NFIA: variants seen among roughly 807,000 people sequenced by gnomAD.
NFIA encodes the protein nuclear factor I A.
In NFIA, 8 loss-of-function variants were observed where a neutral mutation model predicts 62.8. That is an observed-to-expected ratio of 0.13 (90% CI 0.07 to 0.23). The LOEUF (loss-of-function observed/expected upper bound fraction) is 0.23. NFIA is among the 10% of genes least tolerant of loss of function. The pLI, the probability that NFIA is intolerant of heterozygous loss-of-function variation, is 1.00. For missense variants in NFIA, 410 were observed against 642.1 expected, an observed-to-expected ratio of 0.64 and a Z score of 3.91; for synonymous variants, 235 against 238.1, an observed-to-expected ratio of 0.99 and a Z score of 0.12.
chr1:61,146,085 G>A (rs1570259876), intron 2 of NFIA, among the ~76,000 whole-genome samples: 1 of 152,188 alleles, frequency 6.6e-6, no homozygotes, highest in Non-Finnish European at 1.5e-5. Context: ...GGCTCCAGGG[G>A]AGAACCTGTT....
At chr1:61,179,516 C>T (rs1227095694) in intron 2 of NFIA, among the ~76,000 whole-genome samples, 6 of 152,144 alleles carry the variant, frequency 3.9e-5, no homozygotes, top group South Asian at 2.1e-4. Flanking sequence ...AATGATAAAG[C>T]GACATGCCAC....
chr1:61,264,523 C>T (rs760263333), intron 2 of NFIA, among the ~76,000 whole-genome samples: 2 of 151,402 alleles, frequency 1.3e-5, no homozygotes, highest in Non-Finnish European at 2.9e-5. Flanking sequence ...TGGAGGTGGG[C>T]GCCTGTAATC....
At chr1:61,078,404 G>C (rs1275177902), upstream of NFIA, among the ~76,000 whole-genome samples, 1 of 152,190 alleles carries the variant, frequency 6.6e-6, no homozygotes, top group Non-Finnish European at 1.5e-5. Context: ...TATGCTCAGG[G>C]AAGCTGGTAA....
At chr1:61,185,227 T>G (rs1651083473) in intron 2 of NFIA, among the ~76,000 whole-genome samples, 1 of 152,202 alleles carries the variant, frequency 6.6e-6, no homozygotes, top group Non-Finnish European at 1.5e-5. Context: ...TATACCTGTT[T>G]CCACATATGT....
chr1:61,415,384 AC>A (rs1666302952), intron 9 of NFIA, among the ~76,000 whole-genome samples: 1 of 152,296 alleles, frequency 6.6e-6, no homozygotes, highest in East Asian at 1.9e-4. Flanking sequence ...TGGAAAAAAC[AC>A]CATGAACAAA....
At chr1:61,165,414 A>T (rs1335522073) in intron 2 of NFIA, among the ~76,000 whole-genome samples, 1 of 152,216 alleles carries the variant, frequency 6.6e-6, no homozygotes, top group Non-Finnish European at 1.5e-5. Flanking sequence ...AGTATATTCT[A>T]TATGCATGTA....
intron 2 of NFIA, among the ~76,000 whole-genome samples, chr1:61,219,994 G>T (rs988506867): frequency 2.0e-5 from 3 of 151,224 alleles, no homozygotes; most frequent in African/African-American, 7.3e-5. Flanking sequence ...AATAAATAAC[G>T]CATAATAGCT....
upstream of NFIA, chr1:61,082,039 T>G: frequency 1.3e-6 from 2 of 1,546,234 alleles, no homozygotes; most frequent in Non-Finnish European, 1.7e-6. Flanking sequence ...GCCCAAGTCC[T>G]CCACCGAGGT....
At chr1:61,218,634 A>G (rs1422471269) in intron 2 of NFIA, among the ~76,000 whole-genome samples, 2 of 152,220 alleles carry the variant, frequency 1.3e-5, no homozygotes. Flanking sequence ...TTCCAAACAT[A>G]TATATGTATT....
At chr1:61,429,923 A>AG (rs1396294042) in intron 10 of NFIA, among the ~76,000 whole-genome samples, 4 of 152,200 alleles carry the variant, frequency 2.6e-5, no homozygotes, top group Non-Finnish European at 4.4e-5. Context: ...GGGGCAGGGC[A>AG]GAATGGTGAG....
At chr1:61,229,617 T>C (rs550371287) in intron 2 of NFIA, among the ~76,000 whole-genome samples, 1 of 152,324 alleles carries the variant, frequency 6.6e-6, no homozygotes, top group Admixed American at 6.5e-5. Flanking sequence ...ATCCCATCCT[T>C]GCTCTGTGAT....
At chr1:61,138,565 GTTTATTTATTTA>G (rs111808933) in intron 2 of NFIA, among the ~76,000 whole-genome samples, 101 of 142,592 alleles carry the variant, frequency 7.1e-4, no homozygotes, top group African/African-American at 2.1e-3. Context: ...TTGTTTGTTT[GTTTATTTATTTA>G]TTTATTTATT....
intron 2 of NFIA, among the ~76,000 whole-genome samples, chr1:61,212,155 TAAGC>T (rs1338091134): frequency 1.3e-5 from 2 of 152,170 alleles, no homozygotes; most frequent in Non-Finnish European, 2.9e-5. Context: ...AAAAGAGGGA[TAAGC>T]AAGCAAGGAA....
At chr1:61,207,837 T>C (rs550293476) in intron 2 of NFIA, among the ~76,000 whole-genome samples, 9 of 152,150 alleles carry the variant, frequency 5.9e-5, no homozygotes, top group Admixed American at 1.3e-4. Context: ...CATACTTCCA[T>C]ATTAATAACA....
chr1:61,079,330 A>C (rs1646068600), upstream of NFIA, among the ~76,000 whole-genome samples: 1 of 152,236 alleles, frequency 6.6e-6, no homozygotes, highest in South Asian at 2.1e-4. Flanking sequence ...AATCATATTA[A>C]TAAGATCTCC....
At chr1:61,123,521 T>C (rs1646921174) in intron 2 of NFIA, among the ~76,000 whole-genome samples, 1 of 152,166 alleles carries the variant, frequency 6.6e-6, no homozygotes, top group South Asian at 2.1e-4. Context: ...GATGGGTGAA[T>C]GAGTGTTTCA....
chr1:61,446,069 G>A (rs184838610), intron 10 of NFIA, among the ~76,000 whole-genome samples: 310 of 152,156 alleles, frequency 2.0e-3, no homozygotes, highest in Non-Finnish European at 3.0e-3. Flanking sequence ...TCTAAAAGCA[G>A]GTGTTCCTAG....
At chr1:61,082,457 G>C (rs1410381146), upstream of NFIA, 1 of 1,050,030 alleles carries the variant, frequency 9.5e-7, no homozygotes, top group South Asian at 3.1e-5. Flanking sequence ...CGGGCAGCTC[G>C]CGGGCACCCG....
intron 5 of NFIA, among the ~76,000 whole-genome samples, chr1:61,358,695 A>G (rs1224700275): frequency 6.6e-6 from 1 of 152,090 alleles, no homozygotes; most frequent in Non-Finnish European, 1.5e-5. Context: ...GCCCAATCCA[A>G]GCTTTTCCTG....
Sources: allele counts gnomAD v4.1 joint callset (sites outside exome capture counted in the v4.1 genomes callset), GRCh38; gene constraint gnomAD v4.1.1; transcripts MANE v1.5; gene names NCBI Gene and HGNC (gene_info 2026-07-23, HGNC 2026-07-21).